The following ECT2L variants were observed in gnomAD, a reference collection of about 807,000 sequenced individuals.
The protein encoded by ECT2L is epithelial cell transforming 2 like, also known as epithelial cell-transforming sequence 2 oncogene-like.
ECT2L carries 126 observed loss-of-function variants against 122.8 expected under a neutral mutation model. The observed-to-expected ratio is 1.03, with a 90% CI of 0.89 to 1.19. The LOEUF is 1.19. Among genes scored for constraint, ECT2L ranks in the 50% most tolerant of loss-of-function variants. The probability of loss-of-function intolerance (pLI) is 0.00; values close to 1 mark genes in which losing one functional copy is unlikely to be tolerated. For missense variants in ECT2L, 1,012 were observed against 1,064.1 expected (o/e 0.95, Z 0.68); for synonymous variants, 385 against 381.8 (o/e 1.01, Z -0.10).
chr6:138,875,573 G>A (rs993170012), intron 13 of ECT2L, among the ~76,000 whole-genome samples: 5 of 152,218 alleles, frequency 3.3e-5, no homozygotes, highest in African/African-American at 9.6e-5. Context: ...GCAGGGGTGG[G>A]GGTGGAGGGC....
chr6:138,812,625 T>A (rs1775938929), intron 1 of ECT2L, among the ~76,000 whole-genome samples: 1 of 152,026 alleles, frequency 6.6e-6, no homozygotes, highest in Admixed American at 6.6e-5. Context: ...GCCAACATGG[T>A]GAAACCTTGT....
At chr6:138,829,208 G>A (rs1034548333) in intron 4 of ECT2L, among the ~76,000 whole-genome samples, 8 of 151,916 alleles carry the variant, frequency 5.3e-5, no homozygotes, top group Non-Finnish European at 8.8e-5. Context: ...TTCTGCGCTC[G>A]TCTTGTCCTT....
intron 16 of ECT2L, among the ~76,000 whole-genome samples, chr6:138,883,770 T>G (rs189374335): frequency 6.6e-6 from 1 of 152,362 alleles, no homozygotes; most frequent in East Asian, 1.9e-4. Context: ...AACACACTGG[T>G]GCCTAAATTT....
rs745838431 is a variant in ECT2L, at chr6:138,849,345, A to G, written c.980A>G (p.Tyr327Cys). 3.1e-6 allele frequency: 5 copies of G among 1,614,076 alleles called. No individual in the cohort carries two copies. Among genetic ancestry groups the G allele is most frequent in the East Asian group, 2.2e-5 (1 of 44,874 alleles). The change falls in exon 9 of 22, where the codon TAT becomes TGT. Residue 327 changes from tyrosine (Y) to cysteine (C), a missense_variant. By Grantham distance (194) the Tyr-to-Cys change is radical. Transcript: ENST00000541398. ...EHSVTLESLL[Y>C]LIEKALDGQK... ...AGCGTAACCTTGGAAAGCCTTCTGT[A>G]TCTTATAGAAAAAGCTCTGGATGGG...
intron 10 of ECT2L, among the ~76,000 whole-genome samples, chr6:138,861,200 T>A (rs1195188428): frequency 6.6e-6 from 1 of 152,218 alleles, no homozygotes; most frequent in African/African-American, 2.4e-5. Context: ...CATGTTCATG[T>A]GTCTTTATAC....
chr6:138,803,546 A>G (rs1205240469), intron 1 of ECT2L, among the ~76,000 whole-genome samples: 2 of 152,182 alleles, frequency 1.3e-5, no homozygotes, highest in Non-Finnish European at 2.9e-5. Flanking sequence ...GAAACTAAGA[A>G]TTTGTTTTCA....
At chr6:138,895,611 C>T (rs1779182096) in intron 20 of ECT2L, among the ~76,000 whole-genome samples, 1 of 152,212 alleles carries the variant, frequency 6.6e-6, no homozygotes, top group African/African-American at 2.4e-5. Flanking sequence ...CGTTCTGTTG[C>T]CCAGGCTGGA....
At chr6:138,800,148 C>T (rs1042274074) in intron 1 of ECT2L, among the ~76,000 whole-genome samples, 2 of 152,156 alleles carry the variant, frequency 1.3e-5, no homozygotes, top group Admixed American at 1.3e-4. Flanking sequence ...TAGGCCCCTG[C>T]TTTTCAGAGC....
chr6:138,852,595 T>G (rs1777487739), intron 9 of ECT2L, among the ~76,000 whole-genome samples: 1 of 152,174 alleles, frequency 6.6e-6, no homozygotes. Flanking sequence ...TGGTTGGGAC[T>G]TCGTGTACTT....
At position 138,849,268 on chromosome 6, in the gene ECT2L, G is replaced by C; in HGVS notation, c.904-1G>C. Reference sequence around the variant, plus strand: ...CTTACAGCTTTGGTTTCATTCTCCAGATGGTGATGGAGAGTGTGAAGGCTG... The same window carrying C: ...CTTACAGCTTTGGTTTCATTCTCCACATGGTGATGGAGAGTGTGAAGGCTG... On this transcript the variant is annotated splice_acceptor_variant, in intron 8 of 21. Transcript: ENST00000541398. LOFTEE classifies it high-confidence loss of function. 1 of 1,602,790 alleles carries C rather than the reference G, an allele frequency of 6.2e-7. No homozygotes were observed. The highest frequency in any genetic ancestry group is 8.5e-7 in the Non-Finnish European group (1 of 1,175,472).
At chr6:138,816,842 C>G (rs964448459) in intron 4 of ECT2L, among the ~76,000 whole-genome samples, 1 of 152,164 alleles carries the variant, frequency 6.6e-6, no homozygotes, top group Non-Finnish European at 1.5e-5. Context: ...TTTACGGGTA[C>G]AATTCAGTGG....
intron 8 of ECT2L, among the ~76,000 whole-genome samples, chr6:138,847,520 G>A (rs1025626917): frequency 2.5e-4 from 37 of 147,284 alleles, no homozygotes; most frequent in South Asian, 4.3e-4. Context: ...ACAGGCGCCC[G>A]CCACCATGCC....
In ECT2L at chr6:138,854,808, T is replaced by A. The variant is rs557000645; in HGVS notation, c.1198+654T>A. On this transcript the variant is annotated intron_variant, in intron 10 of 21. Transcript: ENST00000541398. ...ATTTTAAGTGGCTGCCTGTCTAGAA[T>A]CAGCAACTGTGATTCAAAGTTGACT... Among the ~76,000 whole-genome samples, 7 of 152,318 alleles carry A rather than the reference T, an allele frequency of 4.6e-5. No individual in the cohort carries two copies. In the East Asian group the frequency reaches 1.2e-3, roughly 25 times the overall value.
intron 1 of ECT2L, among the ~76,000 whole-genome samples, chr6:138,811,512 G>A (rs1213180317): frequency 6.6e-6 from 1 of 152,162 alleles, no homozygotes. Flanking sequence ...AGGAATAAAG[G>A]TTAAACAAGG....
At chr6:138,862,384 T>G (rs895628928) in intron 10 of ECT2L, among the ~76,000 whole-genome samples, 2 of 151,342 alleles carry the variant, frequency 1.3e-5, no homozygotes, top group African/African-American at 2.4e-5. Context: ...AGGGAGGAGG[T>G]GCCACACACT....
chr6:138,876,394 C>T (rs1408373278), intron 13 of ECT2L, 78 bp from the exon 14 acceptor site: 5 of 931,826 alleles, frequency 5.4e-6, no homozygotes, highest in African/African-American at 3.3e-5. Flanking sequence ...CTTCTGAGGG[C>T]CTCCTGCGGG....
At chr6:138,861,146 G>A (rs943251419) in intron 10 of ECT2L, among the ~76,000 whole-genome samples, 4 of 152,188 alleles carry the variant, frequency 2.6e-5, no homozygotes, top group Non-Finnish European at 4.4e-5. Flanking sequence ...CATTTGGGTT[G>A]GTTCCAAGTC....
intron 10 of ECT2L, among the ~76,000 whole-genome samples, chr6:138,856,060 T>G (rs1385707098): frequency 1.3e-5 from 2 of 152,200 alleles, no homozygotes; most frequent in Non-Finnish European, 2.9e-5. Flanking sequence ...ATCATTGACT[T>G]CTCAGTCCAA....
At chr6:138,854,559 G>A (rs918096953) in intron 10 of ECT2L, among the ~76,000 whole-genome samples, 3 of 152,088 alleles carry the variant, frequency 2.0e-5, no homozygotes, top group Non-Finnish European at 2.9e-5. Context: ...CTTGAGTCCC[G>A]CCAATGTCAT....
Sources: allele counts gnomAD v4.1 joint callset (sites outside exome capture counted in the v4.1 genomes callset), GRCh38; gene constraint gnomAD v4.1.1; transcripts MANE v1.5; gene names NCBI Gene and HGNC (gene_info 2026-07-23, HGNC 2026-07-21).